The following KCNMA1 variants were observed in gnomAD, a reference collection of about 807,000 sequenced individuals.
The protein encoded by KCNMA1 is potassium calcium-activated channel subfamily M alpha 1, also known as Calcium-activated potassium channel subunit alpha-1.
In KCNMA1, 29 loss-of-function variants were observed where a neutral mutation model predicts 140.0. The observed-to-expected ratio is 0.21, with a 90% CI of 0.15 to 0.28. KCNMA1 has a LOEUF of 0.28. Among genes scored for constraint, KCNMA1 ranks in the 10% least tolerant of loss-of-function variants. KCNMA1 has a pLI of 1.00. For synonymous variants in KCNMA1, 612 were observed against 611.9 expected, an observed-to-expected ratio of 1.00 and a Z score of 0.00; for missense variants, 880 against 1,602.2, an observed-to-expected ratio of 0.55 and a Z score of 7.70.
intron 9 of KCNMA1, among the ~76,000 whole-genome samples, chr10:77,107,592 T>A (rs550187228): frequency 6.6e-6 from 1 of 152,326 alleles, no homozygotes; most frequent in East Asian, 1.9e-4. Context: ...GGGTCTCTAT[T>A]GAACCTGCAC....
At chr10:77,285,812 C>A (rs1043543697) in intron 2 of KCNMA1, among the ~76,000 whole-genome samples, 3 of 152,192 alleles carry the variant, frequency 2.0e-5, no homozygotes, top group Admixed American at 2.0e-4. Context: ...TAAGTTCCAG[C>A]TTCCTCATCT....
chr10:77,210,108 A>G (rs73293972), intron 3 of KCNMA1, among the ~76,000 whole-genome samples: 2,966 of 151,950 alleles, frequency 0.02, 96 homozygotes, highest in African/African-American at 0.067. Context: ...GAGACACAAC[A>G]AAAAAAGAAA....
Position 77,359,960 on chromosome 10 carries a change from T to A in KCNMA1, c.540+43902A>T, listed in dbSNP as rs551708666. ...AATGGGGGTGAGAGGCAAAGATGTA[T>A]AAAAAAAGAACTAAGCAGAGCAAAG... On this transcript the variant is annotated intron_variant, in intron 2 of 27. Transcript: ENST00000286628. 2.6e-4 allele frequency among the ~76,000 whole-genome samples: 40 copies of A among 151,914 alleles called. 1 individual carries two copies. The highest frequency in any genetic ancestry group is 2.6e-3 in the Admixed American group (39 of 15,252).
rs866499919 is a variant in KCNMA1 at position 77,217,352 on chromosome 10, C to A, written c.603-32436G>T. On this transcript the variant is annotated intron_variant, in intron 3 of 27. Coordinates refer to ENST00000286628, the MANE Select transcript of KCNMA1 (RefSeq NM_001161352.2). Reference sequence around the variant, plus strand: ...AAAAAAAACTAAATTTTTTTCTAAGCCAAATGTTTCCTCTGTCAGCTTTAG... The same window carrying A: ...AAAAAAAACTAAATTTTTTTCTAAGACAAATGTTTCCTCTGTCAGCTTTAG... 3.2e-5 allele frequency: 9 copies of A among 282,874 alleles called. No individual in the cohort carries two copies. The Middle Eastern group carries it at 2.1e-3, about 67-fold the overall frequency. The allele number at this position is 282,874 out of a possible 1,614,324, so 17.5% of individuals were successfully genotyped here. A position where few individuals can be genotyped will look rare whatever the true frequency, so the allele number is the denominator to read the frequency against.
intron 1 of KCNMA1, among the ~76,000 whole-genome samples, chr10:77,505,897 T>A (rs2045626828): frequency 1.3e-5 from 2 of 151,852 alleles, no homozygotes; most frequent in Admixed American, 1.3e-4. Flanking sequence ...GCTGGAAGAG[T>A]ACTGCAAGAG....
chr10:77,427,509 C>T (rs1222595681), intron 1 of KCNMA1, among the ~76,000 whole-genome samples: 1 of 152,170 alleles, frequency 6.6e-6, no homozygotes, highest in South Asian at 2.1e-4. Context: ...GAATCAGTGC[C>T]AGTCAGTGGT....
intron 2 of KCNMA1, among the ~76,000 whole-genome samples, chr10:77,348,663 A>C (rs546624223): frequency 1.3e-5 from 2 of 152,370 alleles, no homozygotes; most frequent in Non-Finnish European, 2.9e-5. Context: ...CAGGATCCAG[A>C]AATATATTTC....
chr10:77,577,844 A>G (rs911099002), intron 1 of KCNMA1, among the ~76,000 whole-genome samples: 3 of 152,158 alleles, frequency 2.0e-5, no homozygotes, highest in African/African-American at 7.2e-5. Flanking sequence ...GCCTAAACTG[A>G]ATAAAGAGCA....
chr10:77,610,776 A>G (rs2246003), intron 1 of KCNMA1, among the ~76,000 whole-genome samples: 87,808 of 152,116 alleles, frequency 0.58, 27,277 homozygotes, highest in African/African-American at 0.81. Flanking sequence ...TTCCTTTTGG[A>G]GTGATGAAAA....
intron 1 of KCNMA1, among the ~76,000 whole-genome samples, chr10:77,583,521 T>C (rs1324882797): frequency 6.6e-6 from 1 of 152,226 alleles, no homozygotes; most frequent in Non-Finnish European, 1.5e-5. Flanking sequence ...CCCATGCTGC[T>C]ATAATTTTCT....
rs1039060899 is a variant in KCNMA1, at chr10:76,886,056, C to G, written c.*1210G>C. ...AGCCAGCACCGCACAGCTGTGCCAA[C>G]AGTTGAAGGTGGTGGCTGGCTTTTG... On this transcript the variant is annotated 3_prime_UTR_variant, in exon 28 of 28. Transcript: ENST00000286628. The G allele has an allele frequency of 2.0e-6, 2 of 985,330 alleles. No homozygotes were observed. The highest frequency in any genetic ancestry group is 3.5e-5 in the African/African-American group (2 of 57,250). 61.0% of individuals were successfully genotyped at this position (985,330 alleles called of 1,614,324 possible). A position where few individuals can be genotyped will look rare whatever the true frequency, so the allele number is the denominator to read the frequency against.
At chr10:77,113,710 C>A (rs536011928) in intron 6 of KCNMA1, among the ~76,000 whole-genome samples, 1 of 152,098 alleles carries the variant, frequency 6.6e-6, no homozygotes, top group Non-Finnish European at 1.5e-5. Flanking sequence ...GTGATCTGCC[C>A]GCCTTGGCCT....
At chr10:77,412,322 G>A (rs541965320) in intron 1 of KCNMA1, among the ~76,000 whole-genome samples, 46 of 152,294 alleles carry the variant, frequency 3.0e-4, no homozygotes, top group Admixed American at 5.2e-4. Flanking sequence ...ACTGCGCTCT[G>A]AGTTACTCAT....
At chr10:77,121,291 A>G (rs1241811982) in intron 5 of KCNMA1, among the ~76,000 whole-genome samples, 1 of 152,188 alleles carries the variant, frequency 6.6e-6, no homozygotes, top group African/African-American at 2.4e-5. Context: ...GGAAGGGCTC[A>G]TGGGGAGAAG....
chr10:77,442,851 G>C (rs12243777), intron 1 of KCNMA1, among the ~76,000 whole-genome samples: 2,110 of 152,192 alleles, frequency 0.014, 40 homozygotes, highest in African/African-American at 0.041. Context: ...TTGGTACCTG[G>C]GGCTCCTGAC....
At chr10:77,538,329 C>A (rs1238776653) in intron 1 of KCNMA1, among the ~76,000 whole-genome samples, 1 of 152,186 alleles carries the variant, frequency 6.6e-6, no homozygotes, top group African/African-American at 2.4e-5. Flanking sequence ...TACACACTCA[C>A]ACTCAAACTC....
intron 23 of KCNMA1, among the ~76,000 whole-genome samples, chr10:76,923,867 T>C (rs1332266088): frequency 1.3e-5 from 2 of 151,920 alleles, no homozygotes; most frequent in African/African-American, 4.8e-5. Context: ...TAGCTGGGCA[T>C]GGTAGGGTGT....
At chr10:77,180,868 C>T (rs2098797577) in intron 5 of KCNMA1, among the ~76,000 whole-genome samples, 1 of 152,288 alleles carries the variant, frequency 6.6e-6, no homozygotes, top group East Asian at 1.9e-4. Flanking sequence ...TTTTCACCCC[C>T]ATTCTGTGTT....
chr10:77,143,659 G>A (rs1242802047), intron 5 of KCNMA1, among the ~76,000 whole-genome samples: 10 of 152,124 alleles, frequency 6.6e-5, no homozygotes, highest in African/African-American at 1.9e-4. Flanking sequence ...ACAGCAGAGT[G>A]TCTTGAGGAC....
Sources: gnomAD v4.1 joint callset for allele counts (sites outside exome capture counted in the v4.1 genomes callset) on GRCh38, gnomAD v4.1.1 for gene constraint, MANE v1.5 for transcripts, NCBI Gene and HGNC (gene_info 2026-07-23, HGNC 2026-07-21) for gene names.